Variants in RBFOX3 observed in about 807,000 individuals in gnomAD.
The protein encoded by RBFOX3 is RNA binding fox-1 homolog 3.
RBFOX3 carries 17 observed loss-of-function variants against 48.7 expected under a neutral mutation model. The ratio of observed to expected loss-of-function variants is 0.35; its 90% CI spans 0.24 to 0.52. RBFOX3 has a LOEUF of 0.52. Ranked by LOEUF, RBFOX3 falls within the 20% of genes least tolerant of loss-of-function variation. The pLI is 0.94. For synonymous variants in RBFOX3, 212 were observed against 209.5 expected (o/e 1.01, Z -0.10); for missense variants, 382 against 497.5 (o/e 0.77, Z 2.21).
At chr17:79,247,310 A>ATATTTTTT (rs769318981) in intron 3 of RBFOX3, among the ~76,000 whole-genome samples, 1 of 116,570 alleles carries the variant, frequency 8.6e-6, no homozygotes, top group African/African-American at 3.3e-5. Context: ...ACATAATCGT[A>ATATTTTTT]TTTTTTTTTT....
chr17:79,514,909 G>A (rs2149912366), intron 1 of RBFOX3, among the ~76,000 whole-genome samples: 1 of 152,308 alleles, frequency 6.6e-6, no homozygotes, highest in South Asian at 2.1e-4. Context: ...ACAGGATGGG[G>A]AGCTTTCCAG....
chr17:79,470,573 G>A (rs1187488268), intron 2 of RBFOX3, among the ~76,000 whole-genome samples: 2 of 152,206 alleles, frequency 1.3e-5, no homozygotes, highest in East Asian at 1.9e-4. Context: ...ATCCTACCAC[G>A]TGCTTCTCAA....
intron 2 of RBFOX3, among the ~76,000 whole-genome samples, chr17:79,327,705 CT>C (rs1007181347): frequency 1.3e-5 from 2 of 152,048 alleles, no homozygotes; most frequent in African/African-American, 4.8e-5. Flanking sequence ...TATTCCTTCT[CT>C]TTTTTTTGAG....
intron 4 of RBFOX3, among the ~76,000 whole-genome samples, chr17:79,156,434 C>T (rs989320975): frequency 5.3e-5 from 8 of 152,184 alleles, no homozygotes; most frequent in African/African-American, 1.9e-4. Flanking sequence ...CAGCCCCACA[C>T]ACTGCGGGGG....
rs2075051651 is a variant in RBFOX3, at chr17:79,299,966, A to G, written c.-74+7758T>C. Among the ~76,000 whole-genome samples the G allele has an allele frequency of 6.6e-6, 1 of 150,732 alleles. No homozygotes were observed. The highest frequency in any genetic ancestry group is 1.5e-5 in the Non-Finnish European group (1 of 67,816). On this transcript the variant is annotated intron_variant, in intron 3 of 14. Transcript: ENST00000693108. The surrounding 1 kb of genome is among the most constrained non-coding windows in gnomAD (Gnocchi z 4.5). ...GTGGCCCAGGCTGGAGTGCAGTGGC[A>G]TGATCTCGGCTCACTGCAACCTCTG... is the stretch of plus-strand genomic sequence containing the variant.
intron 13 of RBFOX3, among the ~76,000 whole-genome samples, chr17:79,095,151 G>A (rs573079883): frequency 1.3e-5 from 2 of 152,130 alleles, no homozygotes; most frequent in Admixed American, 6.5e-5. Context: ...CAGGCCAGAT[G>A]TCTGAGGGGA....
intron 4 of RBFOX3, among the ~76,000 whole-genome samples, chr17:79,174,367 A>G (rs2050057277): frequency 6.6e-6 from 1 of 151,180 alleles, no homozygotes; most frequent in South Asian, 2.1e-4. Flanking sequence ...ACACAGACAC[A>G]TGCGCACACA....
chr17:79,587,008 T>C (rs960737646), intron 1 of RBFOX3, among the ~76,000 whole-genome samples: 3 of 152,116 alleles, frequency 2.0e-5, no homozygotes, highest in Non-Finnish European at 4.4e-5. Context: ...AAATAAAAAA[T>C]AGATTTGCTG....
chr17:79,278,739 TGCATCCACATGCATAGG>T (rs773898216), intron 3 of RBFOX3, among the ~76,000 whole-genome samples: 1 of 152,240 alleles, frequency 6.6e-6, no homozygotes, highest in Non-Finnish European at 1.5e-5. Context: ...AGGACGAAGA[TGCATCCACATGCATAGG>T]GCAGTGGCCC....
At chr17:79,341,518 G>C (rs1011426992) in intron 2 of RBFOX3, among the ~76,000 whole-genome samples, 2 of 152,170 alleles carry the variant, frequency 1.3e-5, no homozygotes, top group African/African-American at 2.4e-5. Flanking sequence ...GCACAGTGGC[G>C]GGTGTTGGAA....
chr17:79,501,298 G>A (rs1301513643), intron 1 of RBFOX3, among the ~76,000 whole-genome samples: 9 of 152,194 alleles, frequency 5.9e-5, no homozygotes, highest in East Asian at 5.8e-4. Context: ...GGGCTCAGCC[G>A]CCCTGCCACA....
the RBFOX3 span, among the ~76,000 whole-genome samples, chr17:79,639,599 T>C: frequency 5.3e-5 from 8 of 152,102 alleles, no homozygotes; most frequent in African/African-American, 1.9e-4. Flanking sequence ...CCCAATAAGA[T>C]ACTAGTAAAC....
chr17:79,650,160 G>A, the RBFOX3 span, among the ~76,000 whole-genome samples: 97,083 of 152,050 alleles, frequency 0.64, 36,165 homozygotes, highest in Non-Finnish European at 0.83. Flanking sequence ...TTTGCTGGAA[G>A]TTCCCAACAA....
chr17:79,656,668 G>T, the RBFOX3 span, among the ~76,000 whole-genome samples: 26 of 90,926 alleles, frequency 2.9e-4, no homozygotes, highest in African/African-American at 1.5e-3. Context: ...AGAGAAGAAA[G>T]GAAAGAAGGA....
chr17:79,117,762 C>T (rs960935432), intron 4 of RBFOX3, among the ~76,000 whole-genome samples: 5 of 152,218 alleles, frequency 3.3e-5, no homozygotes, highest in Non-Finnish European at 5.9e-5. Flanking sequence ...TGTGCCAGGC[C>T]CATGCCAGGG....
At chr17:79,657,239 G>A in the RBFOX3 span, among the ~76,000 whole-genome samples, 1 of 152,190 alleles carries the variant, frequency 6.6e-6, no homozygotes. Context: ...GATCCTCAGT[G>A]GCCTGTCCTA....
At chr17:79,613,269 T>C (rs2093981825), upstream of RBFOX3, among the ~76,000 whole-genome samples, 1 of 152,196 alleles carries the variant, frequency 6.6e-6, no homozygotes, top group South Asian at 2.1e-4. Flanking sequence ...TAAACTGAAA[T>C]TGGCCTCTGT....
chr17:79,443,878 C>A lies in RBFOX3; in HGVS notation c.-175+38576G>T, dbSNP rs2071682715. 6.6e-6 allele frequency among the ~76,000 whole-genome samples: 1 copy of A among 152,158 alleles called. No individual in the cohort carries two copies. The highest frequency in any genetic ancestry group is 1.5e-5 in the Non-Finnish European group (1 of 68,036). On this transcript the variant is annotated intron_variant, in intron 2 of 14. Transcript: ENST00000693108. This position sits in a 1 kb window ranked among gnomAD's most constrained non-coding sequence, Gnocchi z 4.4. ...GGCTGCAGAGAACTCAGAATGCCAA[C>A]AAGGAGAACAGAAATCCTACAGGGT... is the stretch of plus-strand genomic sequence containing the variant.
the RBFOX3 span, among the ~76,000 whole-genome samples, chr17:79,652,578 AG>A: frequency 3.1e-5 from 4 of 127,706 alleles, no homozygotes; most frequent in Admixed American, 8.0e-5. Flanking sequence ...AAAGGAAAGG[AG>A]AGGAGAGGAG....
Sources: gnomAD v4.1 joint callset for allele counts (sites outside exome capture counted in the v4.1 genomes callset) on GRCh38, gnomAD v4.1.1 for gene constraint, Gnocchi (gnomAD v3.1) non-coding constraint, MANE v1.5 for transcripts, NCBI Gene and HGNC (gene_info 2026-07-23, HGNC 2026-07-21) for gene names.